The following CDH18 variants were observed in gnomAD, a reference collection of about 807,000 sequenced individuals.
The protein encoded by CDH18 is cadherin 18.
CDH18 carries 31 observed loss-of-function variants against 67.9 expected under a neutral mutation model. The ratio of observed to expected loss-of-function variants is 0.46; its 90% CI spans 0.34 to 0.62. The LOEUF (loss-of-function observed/expected upper bound fraction) is 0.62. Among genes scored for constraint, CDH18 ranks in the 20% least tolerant of loss-of-function variants. CDH18 has a pLI of 0.01. For synonymous variants in CDH18, 362 were observed against 347.2 expected, an observed-to-expected ratio of 1.04 and a Z score of -0.48; for missense variants, 890 against 975.5, an observed-to-expected ratio of 0.91 and a Z score of 1.17.
At chr5:19,727,802 C>T (rs764579049) in intron 4 of CDH18, among the ~76,000 whole-genome samples, 2 of 152,128 alleles carry the variant, frequency 1.3e-5, no homozygotes, top group Non-Finnish European at 2.9e-5. Context: ...GTTATTGTTA[C>T]AAGTAGATTA....
chr5:19,700,982 C>G (rs193169024), intron 5 of CDH18, among the ~76,000 whole-genome samples: 140 of 150,750 alleles, frequency 9.3e-4, no homozygotes, highest in Non-Finnish European at 1.7e-3. Context: ...AAAAAATGAG[C>G]AAAAAAATAA....
chr5:20,063,244 C>T (rs1269188324), intron 2 of CDH18, among the ~76,000 whole-genome samples: 1 of 151,342 alleles, frequency 6.6e-6, no homozygotes, highest in East Asian at 1.9e-4. Context: ...ACAATTACCA[C>T]AGAAAAGTAT....
chr5:19,984,535 GA>G (rs1799377958), intron 1 of CDH18, among the ~76,000 whole-genome samples: 1 of 152,088 alleles, frequency 6.6e-6, no homozygotes, highest in Admixed American at 6.5e-5. Flanking sequence ...CTTTCTTGTA[GA>G]TGATTTTTAA....
intron 2 of CDH18, among the ~76,000 whole-genome samples, chr5:20,046,845 C>A: frequency 6.6e-6 from 1 of 151,270 alleles, no homozygotes; most frequent in Non-Finnish European, 1.5e-5. Context: ...GGTGTTTACT[C>A]AAAAAAGGTT....
At chr5:19,616,944 G>C (rs1313208000) in intron 5 of CDH18, among the ~76,000 whole-genome samples, 1 of 151,962 alleles carries the variant, frequency 6.6e-6, no homozygotes, top group Non-Finnish European at 1.5e-5. Context: ...AAATTTTTTT[G>C]AGCCACTATT....
chr5:20,063,058 T>G (rs542098748), intron 2 of CDH18, among the ~76,000 whole-genome samples: 1 of 150,684 alleles, frequency 6.6e-6, no homozygotes, highest in Admixed American at 6.6e-5. Context: ...ATATGCTTCT[T>G]ATAGAAATAA....
At chr5:20,529,533 T>A (rs1389658867) in intron 1 of CDH18, among the ~76,000 whole-genome samples, 1 of 152,048 alleles carries the variant, frequency 6.6e-6, no homozygotes, top group Non-Finnish European at 1.5e-5. Flanking sequence ...TCTAAAAGCT[T>A]ATCCACCACA....
intron 2 of CDH18, among the ~76,000 whole-genome samples, chr5:20,098,042 T>G (rs1347999466): frequency 1.3e-5 from 2 of 151,908 alleles, no homozygotes; most frequent in Non-Finnish European, 2.9e-5. Context: ...TTTATTTTAT[T>G]TTTGCCTCAA....
intron 9 of CDH18, among the ~76,000 whole-genome samples, chr5:19,535,419 G>GATA (rs1261157530): frequency 1.3e-5 from 2 of 152,058 alleles, no homozygotes; most frequent in African/African-American, 2.4e-5. Flanking sequence ...TAAGCACATT[G>GATA]ATAATAATAA....
At chr5:20,026,518 C>T (rs1459061461) in intron 2 of CDH18, among the ~76,000 whole-genome samples, 2 of 152,018 alleles carry the variant, frequency 1.3e-5, no homozygotes, top group Non-Finnish European at 2.9e-5. Context: ...TCCTAATTTC[C>T]CGCCATATAG....
chr5:20,353,185 T>A (rs1214755865), intron 1 of CDH18, among the ~76,000 whole-genome samples: 2 of 152,206 alleles, frequency 1.3e-5, no homozygotes, highest in South Asian at 4.1e-4. Context: ...AGCCTCCACT[T>A]TGCTTTTCAA....
chr5:19,912,900 G>A (rs1791310518), intron 2 of CDH18, among the ~76,000 whole-genome samples: 1 of 152,164 alleles, frequency 6.6e-6, no homozygotes. Context: ...GGAAGCAGCA[G>A]GGTCTGGGTG....
intron 1 of CDH18, among the ~76,000 whole-genome samples, chr5:20,457,562 T>C (rs748060528): frequency 4.6e-5 from 7 of 152,152 alleles, no homozygotes; most frequent in African/African-American, 1.7e-4. Flanking sequence ...TGAACCCCGA[T>C]GCTCTTCTTT....
intron 3 of CDH18, among the ~76,000 whole-genome samples, chr5:19,825,694 C>T (rs1455462087): frequency 6.6e-6 from 1 of 151,608 alleles, no homozygotes; most frequent in Non-Finnish European, 1.5e-5. Context: ...ATCAAACTCT[C>T]AAGGGCATCA....
intron 2 of CDH18, among the ~76,000 whole-genome samples, chr5:20,086,299 T>C (rs1744944022): frequency 6.6e-6 from 1 of 152,200 alleles, no homozygotes; most frequent in Non-Finnish European, 1.5e-5. Context: ...CATTGGTTCA[T>C]GAAGTTTAAG....
intron 5 of CDH18, among the ~76,000 whole-genome samples, chr5:19,634,694 T>A (rs1752872346): frequency 6.6e-6 from 1 of 152,006 alleles, no homozygotes; most frequent in Non-Finnish European, 1.5e-5. Context: ...CCCAGCACTT[T>A]GGGAGCCTGA....
chr5:20,327,485 G>A (rs1738712152), intron 1 of CDH18, among the ~76,000 whole-genome samples: 1 of 151,674 alleles, frequency 6.6e-6, no homozygotes, highest in African/African-American at 2.4e-5. Flanking sequence ...CCTCCTGCTT[G>A]CTCTTGCTCC....
At position 20,250,980 on chromosome 5, in the gene CDH18, C is replaced by T. The variant is rs554573509; in HGVS notation, c.-518+4464G>A. 5.4e-4 allele frequency among the ~76,000 whole-genome samples: 82 copies of T among 152,168 alleles called. 1 individual carries two copies. Among genetic ancestry groups the T allele is most frequent in the African/African-American group, 1.9e-3 (80 of 41,514 alleles). ...TTCTTCCCCTTTACATTGCATGTAACTCTGTTAATTTGACTTAAAGCCATG... is the reference window on the plus strand; with the variant it reads ...TTCTTCCCCTTTACATTGCATGTAATTCTGTTAATTTGACTTAAAGCCATG... On this transcript the variant is annotated intron_variant, in intron 2 of 14. Transcript: ENST00000507958.
intron 2 of CDH18, among the ~76,000 whole-genome samples, chr5:20,069,506 G>A (rs1190436923): frequency 5.9e-5 from 9 of 151,906 alleles, no homozygotes; most frequent in Admixed American, 2.6e-4. Flanking sequence ...TCCACCTCCC[G>A]GGTTCAAGCG....
Sources: gnomAD v4.1 joint callset for allele counts (sites outside exome capture counted in the v4.1 genomes callset) on GRCh38, gnomAD v4.1.1 for gene constraint, MANE v1.5 for transcripts, NCBI Gene and HGNC (gene_info 2026-07-23, HGNC 2026-07-21) for gene names.